B3GALT1: variants seen among roughly 807,000 people sequenced by gnomAD.
The protein encoded by B3GALT1 is beta-1,3-galactosyltransferase 1.
B3GALT1 carries 10 observed loss-of-function variants against 23.2 expected under a neutral mutation model. The ratio of observed to expected loss-of-function variants is 0.43; its 90% CI spans 0.27 to 0.73. The LOEUF (loss-of-function observed/expected upper bound fraction) is 0.73. Among genes scored for constraint, B3GALT1 ranks in the 30% least tolerant of loss-of-function variants. B3GALT1 has a pLI of 0.21. For synonymous variants in B3GALT1, 156 were observed against 141.5 expected (o/e 1.10, Z -0.73); for missense variants, 299 against 405.4 (o/e 0.74, Z 2.25).
intron 3 of B3GALT1, among the ~76,000 whole-genome samples, chr2:167,774,690 G>A (rs891446343): frequency 2.0e-5 from 3 of 151,678 alleles, no homozygotes; most frequent in East Asian, 1.9e-4. Flanking sequence ...TAGAGACAGG[G>A]TTTCACCATG....
chr2:167,845,671 A>G (rs1689740802), intron 4 of B3GALT1, among the ~76,000 whole-genome samples: 2 of 152,112 alleles, frequency 1.3e-5, no homozygotes, highest in Admixed American at 1.3e-4. Flanking sequence ...TAATCCTGGT[A>G]ATATGACAAA....
chr2:167,386,609 G>A (rs1697932641), intron 1 of B3GALT1, among the ~76,000 whole-genome samples: 1 of 151,986 alleles, frequency 6.6e-6, no homozygotes, highest in Non-Finnish European at 1.5e-5. Flanking sequence ...ATAAATGTAA[G>A]TGATAGTCTC....
chr2:167,326,476 A>T (rs560948657), intron 1 of B3GALT1, among the ~76,000 whole-genome samples: 1 of 151,718 alleles, frequency 6.6e-6, no homozygotes, highest in South Asian at 2.1e-4. Flanking sequence ...GTTGCCTGTC[A>T]TTTTGAGATC....
intron 3 of B3GALT1, among the ~76,000 whole-genome samples, chr2:167,710,947 T>C (rs1477661306): frequency 6.6e-6 from 1 of 152,212 alleles, no homozygotes; most frequent in Non-Finnish European, 1.5e-5. Context: ...TTAGTGGCCC[T>C]GTGTAAAGCC....
intron 1 of B3GALT1, among the ~76,000 whole-genome samples, chr2:167,310,816 A>G (rs976355679): frequency 6.6e-6 from 1 of 152,096 alleles, no homozygotes; most frequent in African/African-American, 2.4e-5. Flanking sequence ...AGGCCATTTC[A>G]GAGACCTTGA....
Position 167,344,435 on chromosome 2 carries a change from T to C in B3GALT1, c.-511+51101T>C, listed in dbSNP as rs1451553032. Among the ~76,000 whole-genome samples, 7 of 152,286 alleles carry C rather than the reference T, an allele frequency of 4.6e-5. 1 individual carries two copies. The East Asian group carries it at 1.3e-3, about 29-fold the overall frequency. ...TCAACATTTTTCTTCTCCCTTCTTA[T>C]GGTAATCAAACACTCTGGAATTAAA... On this transcript the variant is annotated intron_variant, in intron 1 of 4. Transcript: ENST00000392690.
chr2:167,323,250 GTATA>G (rs982096366), intron 1 of B3GALT1, among the ~76,000 whole-genome samples: 11 of 151,998 alleles, frequency 7.2e-5, no homozygotes, highest in Admixed American at 5.9e-4. Context: ...AAAAGTGTGA[GTATA>G]TACGATGTGG....
At chr2:167,647,645 A>G (rs1255386460) in intron 3 of B3GALT1, among the ~76,000 whole-genome samples, 1 of 152,170 alleles carries the variant, frequency 6.6e-6, no homozygotes, top group East Asian at 1.9e-4. Flanking sequence ...CCTAAAGGAA[A>G]TCATTAAGAT....
chr2:167,700,634 T>G (rs1232581380), intron 3 of B3GALT1, among the ~76,000 whole-genome samples: 2 of 152,116 alleles, frequency 1.3e-5, no homozygotes, highest in Admixed American at 6.5e-5. Flanking sequence ...CTGCTATATC[T>G]CAAATAGTTT....
chr2:167,490,833 G>GA (rs908136335), intron 2 of B3GALT1, among the ~76,000 whole-genome samples: 2 of 152,080 alleles, frequency 1.3e-5, no homozygotes, highest in Non-Finnish European at 2.9e-5. Flanking sequence ...TTTTTCTTAG[G>GA]AAAAAATCAA....
rs554795008 is a variant in B3GALT1 at position 167,581,654 on chromosome 2, A to G, written c.-409-65255A>G. On this transcript the variant is annotated intron_variant, in intron 2 of 4. Transcript: ENST00000392690. ...GCAGTTATATCAAGTGAAAATCATA[A>G]ATAACAAAGTAATGACAGAGAACTG... is the stretch of plus-strand genomic sequence containing the variant. Among the ~76,000 whole-genome samples the G allele has an allele frequency of 2.9e-4, 44 of 152,360 alleles. No homozygotes were observed. The Middle Eastern group carries it at 0.01, about 35-fold the overall frequency.
At chr2:167,461,138 A>G (rs1333125123) in intron 1 of B3GALT1, among the ~76,000 whole-genome samples, 1 of 152,226 alleles carries the variant, frequency 6.6e-6, no homozygotes, top group East Asian at 1.9e-4. Context: ...ATCAGTAATC[A>G]GAGCACAGAT....
intron 2 of B3GALT1, among the ~76,000 whole-genome samples, chr2:167,592,938 C>G (rs930491720): frequency 6.6e-6 from 1 of 152,104 alleles, no homozygotes; most frequent in Non-Finnish European, 1.5e-5. Flanking sequence ...CAGTGTCATG[C>G]GTAATAAATG....
chr2:167,342,924 C>T (rs13432607), intron 1 of B3GALT1, among the ~76,000 whole-genome samples: 2,046 of 152,214 alleles, frequency 0.013, 29 homozygotes, highest in Admixed American at 0.035. Flanking sequence ...AGGAAAAAAG[C>T]GTAACAAATG....
intron 4 of B3GALT1, among the ~76,000 whole-genome samples, chr2:167,827,186 T>C (rs1427424414): frequency 2.0e-5 from 3 of 152,302 alleles, no homozygotes; most frequent in Middle Eastern, 3.4e-3. Context: ...AGCTATTTCA[T>C]CTACTGCCCA....
chr2:167,714,441 C>A, intron 3 of B3GALT1: 1 of 1,585,934 alleles, frequency 6.3e-7, no homozygotes, highest in Non-Finnish European at 8.7e-7. Context: ...AGTGGATCCT[C>A]CAACAAAGTT....
chr2:167,730,023 G>A (rs1052476085), intron 3 of B3GALT1, among the ~76,000 whole-genome samples: 1 of 152,122 alleles, frequency 6.6e-6, no homozygotes, highest in Non-Finnish European at 1.5e-5. Context: ...GCCCAGAAGG[G>A]TGCACCACAA....
chr2:167,648,127 TACCTGGATTA>T (rs1480081697), intron 3 of B3GALT1, among the ~76,000 whole-genome samples: 2 of 152,164 alleles, frequency 1.3e-5, no homozygotes, highest in Admixed American at 1.3e-4. Context: ...ATGATAATCT[TACCTGGATTA>T]CCACAAAAAC....
At position 167,662,102 on chromosome 2, in the gene B3GALT1, G is replaced by GCTGCTTTTACAGCTGAATTA. The variant is rs552778692; in HGVS notation, c.-352+15137_-352+15138insTGCTTTTACAGCTGAATTAC. Among the ~76,000 whole-genome samples, 13 of 149,020 alleles carry GCTGCTTTTACAGCTGAATTA rather than the reference G, an allele frequency of 8.7e-5. No individual in the cohort carries two copies. In the East Asian group the frequency reaches 2.5e-3, roughly 29 times the overall value. The stretch of plus-strand genomic sequence containing the variant: ...AAAAAAAAAAGCAGCAAGTTTTTCA[G>GCTGCTTTTACAGCTGAATTA]CAAGACAGAGAATTACAACAAAGAG... On this transcript the variant is annotated intron_variant, in intron 3 of 4. Coordinates refer to ENST00000392690, the MANE Select transcript of B3GALT1 (RefSeq NM_020981.4).
Sources: gnomAD v4.1 joint callset for allele counts (sites outside exome capture counted in the v4.1 genomes callset) on GRCh38, gnomAD v4.1.1 for gene constraint, MANE v1.5 for transcripts, NCBI Gene and HGNC (gene_info 2026-07-23, HGNC 2026-07-21) for gene names.